Variants in COL5A2 observed in about 807,000 individuals in gnomAD.
The protein encoded by COL5A2 is collagen type V alpha 2 chain, also known as collagen alpha-2(V) chain.
COL5A2 carries 23 observed loss-of-function variants against 208.2 expected under a neutral mutation model. That is an observed-to-expected ratio of 0.11 (90% CI 0.08 to 0.16). The LOEUF is 0.16. Ranked by LOEUF, COL5A2 falls within the 10% of genes least tolerant of loss-of-function variation. The pLI, the probability that COL5A2 is intolerant of heterozygous loss-of-function variation, is 1.00. For missense variants in COL5A2, 1,590 were observed against 1,956.4 expected (o/e 0.81, Z 3.53); for synonymous variants, 625 against 628.5 (o/e 0.99, Z 0.08).
At chr2:189,332,213 G>C in the COL5A2 span, among the ~76,000 whole-genome samples, 1 of 152,154 alleles carries the variant, frequency 6.6e-6, no homozygotes, top group Non-Finnish European at 1.5e-5. Context: ...ACATTCTCTT[G>C]ACATTGATTC....
rs1382852855 is a variant in COL5A2, at chr2:189,034,016, G to A, written c.*54C>T. 49 of 1,611,332 alleles carry A rather than the reference G, an allele frequency of 3.0e-5. No homozygotes were observed. The East Asian group carries it at 1.1e-3, about 36-fold the overall frequency. On this transcript the variant is annotated 3_prime_UTR_variant, in exon 54 of 54. Transcript: ENST00000374866. Reference sequence around the variant, plus strand: ...AACTTCAAACAGTCAAAGTTCTTGTGAATGGCGGTGGTCATTGATGGTGGT... The same window carrying A: ...AACTTCAAACAGTCAAAGTTCTTGTAAATGGCGGTGGTCATTGATGGTGGT...
At chr2:189,081,378 T>C (rs1254468449) in intron 12 of COL5A2, among the ~76,000 whole-genome samples, 1 of 152,150 alleles carries the variant, frequency 6.6e-6, no homozygotes, top group Non-Finnish European at 1.5e-5. Flanking sequence ...TGAATCAATA[T>C]GTCCAACATG....
At chr2:189,252,598 A>T in the COL5A2 span, among the ~76,000 whole-genome samples, 1 of 149,078 alleles carries the variant, frequency 6.7e-6, no homozygotes, top group Non-Finnish European at 1.5e-5. Flanking sequence ...AACATCACAC[A>T]CCAGGGCCTG....
At chr2:189,366,287 G>A in the COL5A2 span, among the ~76,000 whole-genome samples, 1 of 152,132 alleles carries the variant, frequency 6.6e-6, no homozygotes, top group Admixed American at 6.5e-5. Flanking sequence ...ACATTGAGAT[G>A]GAATTAATTG....
chr2:189,259,891 C>T, the COL5A2 span, among the ~76,000 whole-genome samples: 1 of 152,100 alleles, frequency 6.6e-6, no homozygotes. Flanking sequence ...GAAAAATATA[C>T]AAGGGCCACA....
At chr2:189,210,796 A>G (rs1689203158) in intron 1 of COL5A2, among the ~76,000 whole-genome samples, 1 of 152,188 alleles carries the variant, frequency 6.6e-6, no homozygotes, top group Non-Finnish European at 1.5e-5. Context: ...TGATGGTTCA[A>G]ATGTGTCTAA....
upstream of COL5A2, among the ~76,000 whole-genome samples, chr2:189,227,661 ATATAAT>A (rs1321817722): frequency 6.6e-6 from 1 of 152,096 alleles, no homozygotes; most frequent in African/African-American, 2.4e-5. Context: ...TACCAGGAAG[ATATAAT>A]TATAAATATA....
the COL5A2 span, among the ~76,000 whole-genome samples, chr2:189,377,839 G>A: frequency 1.3e-5 from 2 of 152,062 alleles, no homozygotes; most frequent in Admixed American, 6.6e-5. Context: ...TTCTCCTTGC[G>A]AACCAATTAT....
At chr2:189,278,424 C>CTG in the COL5A2 span, among the ~76,000 whole-genome samples, 1 of 151,990 alleles carries the variant, frequency 6.6e-6, no homozygotes, top group African/African-American at 2.4e-5. Context: ...GTCAGTCAGT[C>CTG]AAGAAAACGT....
chr2:189,115,407 G>GAA (rs35939845), intron 1 of COL5A2, among the ~76,000 whole-genome samples: 7,715 of 142,650 alleles, frequency 0.054, 199 homozygotes, highest in Admixed American at 0.07. Context: ...ACCTGTGGGG[G>GAA]AAAAAAAAAA....
At chr2:189,236,809 C>G in the COL5A2 span, among the ~76,000 whole-genome samples, 3 of 151,790 alleles carry the variant, frequency 2.0e-5, no homozygotes, top group African/African-American at 7.2e-5. Context: ...AAATACATGA[C>G]AAATAAACTC....
chr2:189,311,841 T>C, the COL5A2 span: 1 of 1,289,030 alleles, frequency 7.8e-7, no homozygotes, highest in Non-Finnish European at 1.1e-6. Flanking sequence ...ACCTCCACGG[T>C]CAAGCCAGAG....
At position 189,118,144 on chromosome 2, in the gene COL5A2, G is replaced by A. The variant is rs139278823; in HGVS notation, c.98-7695C>T. On this transcript the variant is annotated intron_variant, in intron 1 of 53. Coordinates refer to ENST00000374866, the MANE Select transcript of COL5A2 (RefSeq NM_000393.5). Reference sequence around the variant, plus strand: ...TTTTTAGAGAAGCGCCATTTTAGCTGCTTATTTAAATGTGGGCCAAACCTA... The same window carrying A: ...TTTTTAGAGAAGCGCCATTTTAGCTACTTATTTAAATGTGGGCCAAACCTA... 7.3e-4 allele frequency among the ~76,000 whole-genome samples: 111 copies of A among 151,996 alleles called. 1 individual carries two copies. Among genetic ancestry groups the A allele is most frequent in the African/African-American group, 2.3e-3 (95 of 41,506 alleles).
chr2:189,196,389 T>C (rs1689000874), intron 1 of COL5A2, among the ~76,000 whole-genome samples: 1 of 147,934 alleles, frequency 6.8e-6, no homozygotes, highest in Non-Finnish European at 1.5e-5. Context: ...TTGGTATTTA[T>C]TCTGCTTGAC....
the COL5A2 span, among the ~76,000 whole-genome samples, chr2:189,435,904 A>C: frequency 6.6e-6 from 1 of 152,194 alleles, no homozygotes; most frequent in African/African-American, 2.4e-5. Flanking sequence ...CACTATTCAC[A>C]ATAGCAAAGA....
intron 47 of COL5A2, among the ~76,000 whole-genome samples, chr2:189,044,277 C>G (rs1003306782): frequency 2.0e-5 from 3 of 151,928 alleles, no homozygotes. Context: ...TATAGGAACC[C>G]ATTTATAATA....
chr2:189,371,309 T>G, the COL5A2 span, among the ~76,000 whole-genome samples: 1 of 152,146 alleles, frequency 6.6e-6, no homozygotes. Context: ...CTGACTAACA[T>G]GGAAAATTTC....
At chr2:189,099,609 A>T (rs1687008305) in intron 4 of COL5A2, among the ~76,000 whole-genome samples, 1 of 152,198 alleles carries the variant, frequency 6.6e-6, no homozygotes, top group Non-Finnish European at 1.5e-5. Context: ...TGGGTAACAG[A>T]GCGAGACTCT....
intron 1 of COL5A2, among the ~76,000 whole-genome samples, chr2:189,222,530 G>A (rs1386581619): frequency 2.0e-5 from 3 of 152,124 alleles, no homozygotes; most frequent in African/African-American, 4.8e-5. Context: ...TCCAGGAAAG[G>A]TGCCAGTTCA....
Sources: allele counts gnomAD v4.1 joint callset (sites outside exome capture counted in the v4.1 genomes callset), GRCh38; gene constraint gnomAD v4.1.1; transcripts MANE v1.5; gene names NCBI Gene and HGNC (gene_info 2026-07-23, HGNC 2026-07-21).